TSGA10: variants seen among roughly 807,000 people sequenced by gnomAD.
The protein encoded by TSGA10 is testis-specific gene 10 protein.
A neutral mutation model predicts 96.6 loss-of-function variants in TSGA10; 43 were observed. The ratio of observed to expected loss-of-function variants is 0.44; its 90% CI spans 0.35 to 0.57. The LOEUF (loss-of-function observed/expected upper bound fraction) is 0.57. Among genes scored for constraint, TSGA10 ranks in the 20% least tolerant of loss-of-function variants. The pLI is 0.01. For missense variants in TSGA10, 703 were observed against 834.4 expected (o/e 0.84, Z 1.94); for synonymous variants, 229 against 269.9 (o/e 0.85, Z 1.48).
intron 16 of TSGA10, among the ~76,000 whole-genome samples, chr2:99,053,407 T>C (rs922168402): frequency 2.0e-4 from 31 of 151,356 alleles, no homozygotes; most frequent in African/African-American, 7.3e-4. Flanking sequence ...AAAAGGATCA[T>C]ACACCATAAT....
chr2:99,134,124 T>C (rs529114085), intron 1 of TSGA10, among the ~76,000 whole-genome samples: 208 of 152,330 alleles, frequency 1.4e-3, no homozygotes, highest in African/African-American at 4.7e-3. Flanking sequence ...AATTGGAATG[T>C]TGGCCTGCCT....
intron 1 of TSGA10, among the ~76,000 whole-genome samples, chr2:99,144,908 C>A (rs1424170316): frequency 6.6e-6 from 1 of 152,010 alleles, no homozygotes; most frequent in East Asian, 1.9e-4. Context: ...GGTCTGGGGT[C>A]GAATAAGGCA....
intron 19 of TSGA10, 59 bp from the exon 20 acceptor site, chr2:99,018,408 T>C (rs1271129900): frequency 3.1e-6 from 5 of 1,594,476 alleles, no homozygotes; most frequent in Admixed American, 1.7e-5. Context: ...AAAACTATCA[T>C]AAAACTAGCT....
At chr2:99,109,940 A>T (rs1478482383) in intron 5 of TSGA10, among the ~76,000 whole-genome samples, 1 of 152,036 alleles carries the variant, frequency 6.6e-6, no homozygotes, top group African/African-American at 2.4e-5. Flanking sequence ...CGAGGCGGGC[A>T]GATCATGAGG....
At chr2:99,012,685 T>C (rs534823487) in intron 20 of TSGA10, among the ~76,000 whole-genome samples, 1 of 152,268 alleles carries the variant, frequency 6.6e-6, no homozygotes, top group South Asian at 2.1e-4. Context: ...TAGAAAACAA[T>C]GACTATTAGA....
At chr2:99,019,358 C>T (rs1199374199) in intron 18 of TSGA10, among the ~76,000 whole-genome samples, 1 of 152,088 alleles carries the variant, frequency 6.6e-6, no homozygotes, top group African/African-American at 2.4e-5. Context: ...GAAGTTTTGG[C>T]GTATTTCACA....
Position 99,040,182 on chromosome 2 carries a change from G to A in TSGA10, c.1405-4743C>T, listed in dbSNP as rs949215383. Among the ~76,000 whole-genome samples, 3 of 152,104 alleles carry A rather than the reference G, an allele frequency of 2.0e-5. 1 individual carries two copies. The highest frequency in any genetic ancestry group is 4.4e-5 in the Non-Finnish European group (3 of 68,014). ...CAATATTACCGAATGGGGAAAAGTT[G>A]AAAGCATTCCCCCTAAGAACTAGAA... is the stretch of plus-strand genomic sequence containing the variant. On this transcript the variant is annotated intron_variant, in intron 16 of 20. Transcript: ENST00000393483.
chr2:99,044,031 C>A (rs564315181), intron 16 of TSGA10, among the ~76,000 whole-genome samples: 1 of 152,208 alleles, frequency 6.6e-6, no homozygotes, highest in African/African-American at 2.4e-5. Flanking sequence ...TGAAAAAGCA[C>A]TAAAATTGGA....
chr2:99,113,986 C>T (rs2092031079), intron 4 of TSGA10, among the ~76,000 whole-genome samples: 2 of 152,140 alleles, frequency 1.3e-5, no homozygotes, highest in African/African-American at 4.8e-5. Context: ...AATTACATAG[C>T]AATAGCCAAT....
At chr2:99,046,245 T>C (rs1210983666) in intron 16 of TSGA10, among the ~76,000 whole-genome samples, 2 of 152,176 alleles carry the variant, frequency 1.3e-5, no homozygotes, top group East Asian at 3.9e-4. Flanking sequence ...TACAGAACAC[T>C]CCACCCCAAA....
rs546213900 is a variant in TSGA10, at chr2:99,094,203, TAGA to T, written c.611+9761_611+9763del. On this transcript the variant is annotated intron_variant, in intron 10 of 20. Transcript: ENST00000393483. ...GCTGGGATAATTGGCAAGCCACATGTAGAAGAATGAAACTGGATCCTCATCTCT... is the reference window on the plus strand; with the variant it reads ...GCTGGGATAATTGGCAAGCCACATGTAGAATGAAACTGGATCCTCATCTCT... Among the ~76,000 whole-genome samples the T allele has an allele frequency of 3.3e-5, 5 of 152,258 alleles. No individual in the cohort carries two copies. The East Asian group carries it at 9.6e-4, about 29-fold the overall frequency.
At chr2:99,126,749 C>T (rs149013722) in intron 2 of TSGA10, 2,109 of 187,074 alleles carry the variant, frequency 0.011, 13 homozygotes, top group Middle Eastern at 0.024. Flanking sequence ...TATTTAACCT[C>T]TTAGAACTTC....
At chr2:99,014,629 A>G (rs1447595262) in intron 20 of TSGA10, among the ~76,000 whole-genome samples, 1 of 152,078 alleles carries the variant, frequency 6.6e-6, no homozygotes. Flanking sequence ...AGAAGAAAAG[A>G]AATAACAAAG....
chr2:99,075,824 T>C (rs550917006), intron 12 of TSGA10, among the ~76,000 whole-genome samples: 1 of 152,058 alleles, frequency 6.6e-6, no homozygotes, highest in Non-Finnish European at 1.5e-5. Flanking sequence ...CACAAGAAAA[T>C]GAGATTTTGA....
chr2:99,092,768 T>C (rs190634263), intron 10 of TSGA10, among the ~76,000 whole-genome samples: 8 of 152,058 alleles, frequency 5.3e-5, no homozygotes, highest in East Asian at 3.9e-4. Context: ...GGGATTCAAA[T>C]AGTAATTTAA....
chr2:99,081,800 T>G (rs994207299), intron 10 of TSGA10, among the ~76,000 whole-genome samples: 1 of 152,184 alleles, frequency 6.6e-6, no homozygotes, highest in Non-Finnish European at 1.5e-5. Flanking sequence ...AGGTGTCCCA[T>G]GTAAATATGG....
chr2:99,104,196 G>T, intron 9 of TSGA10, 78 bp from the exon 10 acceptor site: 1 of 1,505,942 alleles, frequency 6.6e-7, no homozygotes, highest in Non-Finnish European at 9.0e-7. Context: ...TACTCCCTCT[G>T]TACAAACTGG....
chr2:99,074,028 T>TTTTTTTTTTTTTTTTTG (rs2086330700), intron 12 of TSGA10, among the ~76,000 whole-genome samples: 1 of 136,660 alleles, frequency 7.3e-6, no homozygotes, highest in Admixed American at 7.4e-5. Context: ...TTTTTTTTTT[T>TTTTTTTTTTTTTTTTTG]TGAGATGGAG....
chr2:99,127,573 A>C (rs539483210), intron 1 of TSGA10, among the ~76,000 whole-genome samples: 1 of 152,364 alleles, frequency 6.6e-6, no homozygotes, highest in East Asian at 1.9e-4. Flanking sequence ...AATTTCCTGA[A>C]TATAGAAATA....
Sources: allele counts gnomAD v4.1 joint callset (sites outside exome capture counted in the v4.1 genomes callset), GRCh38; gene constraint gnomAD v4.1.1; transcripts MANE v1.5; gene names NCBI Gene and HGNC (gene_info 2026-07-23, HGNC 2026-07-21).